Variants in LATS1 observed in about 807,000 individuals in gnomAD.
LATS1 encodes large tumor suppressor kinase 1.
LATS1 carries 25 observed loss-of-function variants against 106.6 expected under a neutral mutation model. The ratio of observed to expected loss-of-function variants is 0.23; its 90% CI spans 0.17 to 0.33. The LOEUF (loss-of-function observed/expected upper bound fraction) is 0.33, where lower values mean the gene tolerates loss of function less well. Among genes scored for constraint, LATS1 ranks in the 10% least tolerant of loss-of-function variants. LATS1 has a pLI of 1.00. For missense variants in LATS1, 1,040 were observed against 1,382.6 expected (o/e 0.75, Z 3.93); for synonymous variants, 465 against 455.6 (o/e 1.02, Z -0.26).
At chr6:149,711,707 T>C (rs1784111242) in intron 1 of LATS1, among the ~76,000 whole-genome samples, 1 of 152,090 alleles carries the variant, frequency 6.6e-6, no homozygotes, top group Non-Finnish European at 1.5e-5. Flanking sequence ...AACACACACT[T>C]CACAGGTGGT....
intron 2 of LATS1, among the ~76,000 whole-genome samples, chr6:149,700,214 G>A (rs1336767187): frequency 6.6e-6 from 1 of 152,164 alleles, no homozygotes; most frequent in Non-Finnish European, 1.5e-5. Context: ...GGTGGCTCAT[G>A]CCTGTAATCC....
chr6:149,679,103 C>A (rs960531151), intron 5 of LATS1, among the ~76,000 whole-genome samples: 3 of 151,594 alleles, frequency 2.0e-5, no homozygotes, highest in South Asian at 2.1e-4. Flanking sequence ...ATAAAAGGAT[C>A]GATAAAAGTA....
chr6:149,684,588 A>G lies in LATS1; in HGVS notation c.501T>C (p.Asn167=). The G allele has an allele frequency of 6.3e-7, 1 of 1,589,904 alleles. No individual in the cohort carries two copies. Among genetic ancestry groups the G allele is most frequent in the Non-Finnish European group, 8.6e-7 (1 of 1,164,786 alleles). ...RPINASMKPG[N]VQQSVNRKQS... ...GTTTGCGGTTAACTGATTGCTGCAC[A>G]TTCCCTATGGTTATAAGAGAGATAA... Residue 167 remains asparagine, a synonymous_variant, in exon 4 of 8, where the codon AAT becomes AAC. Transcript: ENST00000543571.
chr6:149,716,410 C>G (rs1784398635), intron 1 of LATS1: 1 of 152,180 alleles, frequency 6.6e-6, no homozygotes, highest in Non-Finnish European at 1.5e-5. Context: ...TATCTTCATG[C>G]TGAAAAATGA....
At chr6:149,697,069 T>A (rs1350354659) in intron 2 of LATS1, 1 of 1,033,964 alleles carries the variant, frequency 9.7e-7, no homozygotes, top group Non-Finnish European at 1.4e-6. Flanking sequence ...CATGCATTTT[T>A]CAAGAGGGAG....
At chr6:149,671,896 C>CA (rs1781460953) in intron 7 of LATS1, among the ~76,000 whole-genome samples, 1 of 148,296 alleles carries the variant, frequency 6.7e-6, no homozygotes, top group South Asian at 2.1e-4. Context: ...TGATTTCTTT[C>CA]TTTTTTTTTT....
At chr6:149,673,598 A>G (rs1012268997) in intron 7 of LATS1, among the ~76,000 whole-genome samples, 3 of 152,064 alleles carry the variant, frequency 2.0e-5, no homozygotes, top group South Asian at 4.1e-4. Context: ...GACAAACCTG[A>G]GAGAATGCCT....
chr6:149,661,552 G>A lies in LATS1; in HGVS notation c.*177C>T, dbSNP rs549110304. The A allele has an allele frequency of 1.4e-5, 7 of 492,028 alleles. No individual in the cohort carries two copies. Among genetic ancestry groups the A allele is most frequent in the South Asian group, 1.1e-4 (2 of 17,804 alleles). The allele number at this position is 492,028 out of a possible 1,614,324, so 30.5% of individuals were successfully genotyped here. A position where few individuals can be genotyped will look rare whatever the true frequency, so the allele number is the denominator to read the frequency against. ...TTTTTTTCTAAATACTGATTTAAACGGCTGGAATAAATTAACATTTTAAAA... is the reference window on the plus strand; with the variant it reads ...TTTTTTTCTAAATACTGATTTAAACAGCTGGAATAAATTAACATTTTAAAA... On this transcript the variant is annotated 3_prime_UTR_variant, in exon 8 of 8. Coordinates refer to ENST00000543571, the MANE Select transcript of LATS1 (RefSeq NM_004690.4).
intron 7 of LATS1, among the ~76,000 whole-genome samples, chr6:149,662,983 A>C (rs77251124): frequency 6.7e-6 from 1 of 150,098 alleles, no homozygotes; most frequent in Non-Finnish European, 1.5e-5. Flanking sequence ...AAAAAAAAAA[A>C]AAAAGAAAAA....
At chr6:149,688,311 G>A (rs1013419933) in intron 3 of LATS1, among the ~76,000 whole-genome samples, 8 of 151,762 alleles carry the variant, frequency 5.3e-5, no homozygotes, top group African/African-American at 1.9e-4. Flanking sequence ...TTTTTTGTTT[G>A]TTTGTTTGTT....
intron 3 of LATS1, among the ~76,000 whole-genome samples, chr6:149,691,220 G>T (rs1299686205): frequency 2.0e-5 from 3 of 152,118 alleles, no homozygotes; most frequent in African/African-American, 7.2e-5. Context: ...CCCTGTAAGA[G>T]AAAATTTGGA....
chr6:149,711,234 T>C (rs1217604581), intron 1 of LATS1, among the ~76,000 whole-genome samples: 1 of 150,238 alleles, frequency 6.7e-6, no homozygotes, highest in African/African-American at 2.4e-5. Flanking sequence ...AAAGAAACTG[T>C]TTTGTTAAAA....
intron 1 of LATS1, among the ~76,000 whole-genome samples, chr6:149,705,323 A>G (rs774051176): frequency 2.0e-5 from 3 of 152,168 alleles, no homozygotes; most frequent in Non-Finnish European, 4.4e-5. Context: ...TCGCCAGTCT[A>G]AAGTTTGCAG....
rs966935503 is a variant in LATS1 at position 149,670,752 on chromosome 6, T to G, written c.2883+5508A>C. 3.9e-4 allele frequency among the ~76,000 whole-genome samples: 60 copies of G among 152,058 alleles called. 2 individuals carry two copies. Among genetic ancestry groups the G allele is most frequent in the African/African-American group, 1.4e-3 (58 of 41,300 alleles). ...TTTGACCCAGACATTTAAAGAAACA[T>G]GTCAGGTCACTGGCTTGGGTTATTT... On this transcript the variant is annotated intron_variant, in intron 7 of 7. Coordinates refer to ENST00000543571, the MANE Select transcript of LATS1 (RefSeq NM_004690.4).
intron 5 of LATS1, 26 bp downstream of exon 5, chr6:149,679,848 TA>T: frequency 6.9e-7 from 1 of 1,452,398 alleles, no homozygotes; most frequent in Non-Finnish European, 9.3e-7. Context: ...ATGAACAAAC[TA>T]AAATAAATTT....
chr6:149,673,096 C>CTTTTTTTT (rs199602290), intron 7 of LATS1, among the ~76,000 whole-genome samples: 1 of 119,114 alleles, frequency 8.4e-6, no homozygotes, highest in Non-Finnish European at 1.7e-5. Context: ...CTTTTCTTTT[C>CTTTTTTTT]TTTTTTTTTT....
intron 7 of LATS1, among the ~76,000 whole-genome samples, chr6:149,663,754 C>T (rs1780998619): frequency 6.6e-6 from 1 of 151,380 alleles, no homozygotes; most frequent in African/African-American, 2.4e-5. Flanking sequence ...TTTATGCTTC[C>T]AGTTTCATCA....
At chr6:149,704,887 T>TACACAC (rs57029776) in intron 1 of LATS1, among the ~76,000 whole-genome samples, 13,593 of 139,722 alleles carry the variant, frequency 0.097, 779 homozygotes, top group East Asian at 0.25. Flanking sequence ...AAATTAATTA[T>TACACAC]ACACACACAC....
chr6:149,669,335 GT>G (rs1781326301), intron 7 of LATS1, among the ~76,000 whole-genome samples: 1 of 151,780 alleles, frequency 6.6e-6, no homozygotes, highest in African/African-American at 2.4e-5. Context: ...GGGTTTCACC[GT>G]GTTAGCCAGG....
Sources: allele counts gnomAD v4.1 joint callset (sites outside exome capture counted in the v4.1 genomes callset), GRCh38; gene constraint gnomAD v4.1.1; transcripts MANE v1.5; gene names NCBI Gene and HGNC (gene_info 2026-07-23, HGNC 2026-07-21).